TPCN2: variants seen among roughly 807,000 people sequenced by gnomAD.
The protein encoded by TPCN2 is two pore channel protein 2.
Under a neutral mutation model 111.4 loss-of-function variants are expected in TPCN2, and 92 were observed. The ratio of observed to expected loss-of-function variants is 0.83; its 90% CI spans 0.70 to 0.98. TPCN2 has a LOEUF of 0.98. TPCN2 is among the 50% of genes least tolerant of loss of function. The pLI is 0.00. For missense variants in TPCN2, 995 were observed against 980.1 expected (o/e 1.02, Z -0.20); for synonymous variants, 405 against 414.5 (o/e 0.98, Z 0.28).
chr11:69,081,738 G>C (rs1320639810), intron 18 of TPCN2, among the ~76,000 whole-genome samples: 1 of 152,286 alleles, frequency 6.6e-6, no homozygotes, highest in East Asian at 1.9e-4. Flanking sequence ...AGGGTGTGGC[G>C]GGTGCAATGC....
chr11:69,053,981 G>A, intron 1 of TPCN2, 52 bp from the exon 2 acceptor site: 1 of 1,483,040 alleles, frequency 6.7e-7, no homozygotes, highest in Admixed American at 1.7e-5. Context: ...ATCCTGGAGG[G>A]TGAGGCCATG....
chr11:69,059,782 T>A (rs1207011620), intron 5 of TPCN2, among the ~76,000 whole-genome samples: 1 of 152,246 alleles, frequency 6.6e-6, no homozygotes, highest in Non-Finnish European at 1.5e-5. Flanking sequence ...TGCCTGTCTG[T>A]CCAGGGAGGA....
In TPCN2 at chr11:69,055,354, T is replaced by A; in HGVS notation, c.429+2T>A. 6.2e-7 allele frequency: 1 copy of A among 1,603,368 alleles called. No homozygotes were observed. The highest frequency in any genetic ancestry group is 2.2e-5 in the East Asian group (1 of 44,752). ...TTTGCGGCCGACCTCTCTGTGAAGGTGAGGCGGGCGCCAGGCCCTCTACGT... is the reference window on the plus strand; with the variant it reads ...TTTGCGGCCGACCTCTCTGTGAAGGAGAGGCGGGCGCCAGGCCCTCTACGT... On this transcript the variant is annotated splice_donor_variant, in intron 4 of 24. Transcript: ENST00000294309. LOFTEE classifies it high-confidence loss of function.
rs1375581654 is a variant in TPCN2, at chr11:69,049,028, C to T, written c.31C>T (p.Leu11=). Residue 11 remains leucine (L), a synonymous_variant, in exon 1 of 25, where the codon CTG becomes TTG. Coordinates refer to ENST00000294309, the MANE Select transcript of TPCN2 (RefSeq NM_139075.4). ...GGAACCCCAGGCGGAGTCGGAGCCCCTGCTGGGCGGGGCCCGCGGCGGTGG... is the reference window on the plus strand; with the variant it reads ...GGAACCCCAGGCGGAGTCGGAGCCCTTGCTGGGCGGGGCCCGCGGCGGTGG... The part of the protein sequence containing the change: MAEPQAESEP[L]LGGARGGGGD... The T allele has an allele frequency of 4.0e-6, 5 of 1,241,342 alleles. No individual in the cohort carries two copies. The highest frequency in any genetic ancestry group is 4.1e-5 in the South Asian group (1 of 24,586). The allele number at this position is 1,241,342 out of a possible 1,614,324, so 76.9% of individuals were successfully genotyped here.
intron 13 of TPCN2, among the ~76,000 whole-genome samples, chr11:69,076,574 TGC>T (rs1855761448): frequency 6.7e-6 from 1 of 149,446 alleles, no homozygotes; most frequent in Non-Finnish European, 1.5e-5. Context: ...CCTGCCCTCC[TGC>T]TCTGTCCCTC....
rs1451304572 is a variant in TPCN2, at chr11:69,071,804, G to C, written c.961-119G>C. On this transcript the variant is annotated intron_variant, in intron 10 of 24. Transcript: ENST00000294309. ...GGCTGCCCCCAGGCTGTGGGGAACT[G>C]GGCCCCCCCCCAAGGCTGCCCAGAC... 4 of 908,444 alleles carry C rather than the reference G, an allele frequency of 4.4e-6. No individual in the cohort carries two copies. The East Asian group carries it at 9.9e-5, about 23-fold the overall frequency. The allele number at this position is 908,444 out of a possible 1,614,324, so 56.3% of individuals were successfully genotyped here. A position where few individuals can be genotyped will look rare whatever the true frequency, so the allele number is the denominator to read the frequency against.
chr11:69,075,973 A>G (rs922952520), intron 13 of TPCN2, among the ~76,000 whole-genome samples: 17 of 152,212 alleles, frequency 1.1e-4, no homozygotes, highest in African/African-American at 4.1e-4. Context: ...TTCTCCTTGT[A>G]ACAATTTAGA....
At chr11:69,076,661 C>T (rs1175789143) in intron 13 of TPCN2, among the ~76,000 whole-genome samples, 1 of 101,848 alleles carries the variant, frequency 9.8e-6, no homozygotes, top group Non-Finnish European at 2.0e-5. Context: ...CCGTGTCCCT[C>T]CACCTGCCCT....
chr11:69,049,123 TG>T lies in TPCN2; in HGVS notation c.109+21del. ...TCGGCCCTGGTGAGCCGCCCGGACCTGGGGAGGGGACTGGCCCGGGAGACCA... is the reference window on the plus strand; with the variant it reads ...TCGGCCCTGGTGAGCCGCCCGGACCTGGGAGGGGACTGGCCCGGGAGACCA... On this transcript the variant is annotated intron_variant, in intron 1 of 24. Coordinates refer to ENST00000294309, the MANE Select transcript of TPCN2 (RefSeq NM_139075.4). 2 of 1,231,572 alleles carry T rather than the reference TG, an allele frequency of 1.6e-6. No individual in the cohort carries two copies. Among genetic ancestry groups the T allele is most frequent in the Non-Finnish European group, 1.0e-6 (1 of 979,252 alleles). 76.3% of individuals were successfully genotyped at this position (1,231,572 alleles called of 1,614,324 possible). A position where few individuals can be genotyped will look rare whatever the true frequency, so the allele number is the denominator to read the frequency against.
Position 69,081,493 on chromosome 11 carries a change from C to A in TPCN2, c.1683C>A (p.Ser561Arg). 1 of 1,564,518 alleles carries A rather than the reference C, an allele frequency of 6.4e-7. No individual in the cohort carries two copies. Among genetic ancestry groups the A allele is most frequent in the Non-Finnish European group, 8.7e-7 (1 of 1,154,162 alleles). ...IVFRFLRIIPSMKLMAVVAST... is the reference protein window; with the variant it reads ...IVFRFLRIIPRMKLMAVVAST... ...TCCGCTTCCTGCGTATCATCCCCAG[C>A]ATGAAGGTGTGTGCCGGCCCCACCC... Residue 561 changes from serine (S) to arginine (R), a missense_variant, in exon 18 of 25, where the codon AGC becomes AGA. Physicochemically the swap from Ser to Arg is moderately radical, Grantham distance 110. Transcript: ENST00000294309.
rs12287555 is a variant in TPCN2 at position 69,055,293 on chromosome 11, C to T, written c.370C>T (p.Leu124=). Residue 124 remains leucine, a synonymous_variant, in exon 4 of 25, where the codon CTG becomes TTG. Transcript: ENST00000294309. Reference sequence around the variant, plus strand: ...TGCTCCCTGGGAGCCGCCCTGCGGCCTGACCGAGAGTGTCGAGGTGCTCTG... The same window carrying T: ...TGCTCCCTGGGAGCCGCCCTGCGGCTTGACCGAGAGTGTCGAGGTGCTCTG... ...RAAPWEPPCG[L]TESVEVLCLL... is the part of the protein sequence containing the mutation. 6.2e-7 allele frequency: 1 copy of T among 1,613,856 alleles called. No individual in the cohort carries two copies. Among genetic ancestry groups the T allele is most frequent in the Admixed American group, 1.7e-5 (1 of 60,004 alleles).
intron 5 of TPCN2, 73 bp from the exon 6 acceptor site, chr11:69,062,811 C>T (rs1465952978): frequency 1.4e-6 from 2 of 1,414,198 alleles, no homozygotes; most frequent in Non-Finnish European, 1.0e-6. Context: ...GAACCGTGTG[C>T]CCATCTGGGA....
At position 69,087,899 on chromosome 11, in the gene TPCN2, G is replaced by A. The variant is rs1376875254; in HGVS notation, c.2205G>A (p.Glu735=). Residue 735 remains glutamate (E), a synonymous_variant, in exon 25 of 25, where the codon GAG becomes GAA. Transcript: ENST00000294309. ...GGGATATTCTGGAGGAGCCCGGGGA[G>A]GATGAGCTCACAGAGAGGCTGAGCC... The part of the protein sequence containing the change: ...LFRDILEEPG[E]DELTERLSQH... The A allele has an allele frequency of 1.2e-5, 20 of 1,612,566 alleles. No homozygotes were observed. The highest frequency in any genetic ancestry group is 2.7e-5 in the African/African-American group (2 of 74,892).
chr11:69,081,374 A>C, intron 17 of TPCN2, 26 bp from the exon 18 acceptor site: 670 of 1,498,096 alleles, frequency 4.5e-4, no homozygotes, highest in Non-Finnish European at 5.5e-4. Context: ...GGCTCCTCCC[A>C]ACCCGCCTCC....
At chr11:69,077,809 G>A (rs1039750269) in intron 13 of TPCN2, among the ~76,000 whole-genome samples, 2 of 152,220 alleles carry the variant, frequency 1.3e-5, no homozygotes, top group African/African-American at 4.8e-5. Flanking sequence ...TGGAGTACTT[G>A]ACACGTGGCT....
Position 69,086,526 on chromosome 11 carries a change from G to C in TPCN2, c.2007G>C (p.Trp669Cys). 6.2e-7 allele frequency: 1 copy of C among 1,614,092 alleles called. No homozygotes were observed. The highest frequency in any genetic ancestry group is 8.5e-7 in the Non-Finnish European group (1 of 1,179,986). Residue 669 changes from tryptophan to cysteine, a missense_variant, in exon 23 of 25, where the codon TGG becomes TGC. Physicochemically the swap from Trp to Cys is radical, Grantham distance 215 (BLOSUM62 -2). Coordinates refer to ENST00000294309, the MANE Select transcript of TPCN2 (RefSeq NM_139075.4). ...GGTGGGTCTCTGTCCTCCGCAGGTG[G>C]TCCAAGATCTATTTTGTATTGTGGT... ...LDAYRRYSGP[W>C]SKIYFVLWWL...
chr11:69,078,727 G>A lies in TPCN2; in HGVS notation c.1351-7G>A, dbSNP rs111653577. 1.9e-5 allele frequency: 30 copies of A among 1,613,896 alleles called. No homozygotes were observed. Among genetic ancestry groups the A allele is most frequent in the African/African-American group, 1.2e-4 (9 of 75,058 alleles). ...CAGCCGGCGAGCCCTCTGTTCTGGC[G>A]TTGCAGGTGTTCCTGGTGCTGGATG... On this transcript the variant is annotated splice_polypyrimidine_tract_variant and splice_region_variant and intron_variant, in intron 14 of 24. Transcript: ENST00000294309.
chr11:69,087,854 C>T (rs889073071), intron 24 of TPCN2, 21 bp from the exon 25 acceptor site: 2 of 1,605,256 alleles, frequency 1.2e-6, no homozygotes, highest in Non-Finnish European at 1.7e-6. Flanking sequence ...CCCCTGTGTG[C>T]ATCTTTCCTC....
rs1565091813 is a variant in TPCN2 at position 69,077,294 on chromosome 11, ACTT to A, written c.1231-1187_1231-1185del. Among the ~76,000 whole-genome samples the A allele has an allele frequency of 9.6e-5, 7 of 72,546 alleles. 1 individual carries two copies. Among genetic ancestry groups the A allele is most frequent in the African/African-American group, 1.7e-4 (3 of 18,088 alleles). The allele number at this position is 72,546 out of a possible 152,430, so 47.6% of individuals were successfully genotyped here. On this transcript the variant is annotated intron_variant, in intron 13 of 24. Transcript: ENST00000294309. ...TCCTGCCCTCCTGCCATGTCCCTCCACTTGCCCTCCTGCCGTGTCCCTCCACCT... is the reference window on the plus strand; with the variant it reads ...TCCTGCCCTCCTGCCATGTCCCTCCAGCCCTCCTGCCGTGTCCCTCCACCT...
Sources: allele counts gnomAD v4.1 joint callset (sites outside exome capture counted in the v4.1 genomes callset), GRCh38; gene constraint gnomAD v4.1.1; transcripts MANE v1.5; gene names NCBI Gene and HGNC (gene_info 2026-07-23, HGNC 2026-07-21).